The following GMDS variants were observed in gnomAD, a reference collection of about 807,000 sequenced individuals.
The protein encoded by GMDS is GDP-mannose 4,6 dehydratase.
Under a neutral mutation model 49.9 loss-of-function variants are expected in GMDS, and 20 were observed. The observed-to-expected ratio is 0.40, with a 90% CI of 0.28 to 0.58. The LOEUF (loss-of-function observed/expected upper bound fraction) is 0.58. Among genes scored for constraint, GMDS ranks in the 20% least tolerant of loss-of-function variants. GMDS has a pLI of 0.42. For synonymous variants in GMDS, 177 were observed against 178.6 expected (o/e 0.99, Z 0.07); for missense variants, 362 against 481.4 (o/e 0.75, Z 2.32).
chr6:2,106,617 C>T (rs765739995), intron 4 of GMDS, among the ~76,000 whole-genome samples: 1 of 152,104 alleles, frequency 6.6e-6, no homozygotes, highest in Non-Finnish European at 1.5e-5. Context: ...AATCCTAGCA[C>T]TTTGGGAGGC....
chr6:1,831,939 CAGTT>C (rs1186364217), intron 7 of GMDS, among the ~76,000 whole-genome samples: 1 of 152,020 alleles, frequency 6.6e-6, no homozygotes, highest in East Asian at 1.9e-4. Flanking sequence ...TGTCTGGTCA[CAGTT>C]GGTTTGTTTT....
At chr6:1,892,590 C>T (rs1364261802) in intron 7 of GMDS, among the ~76,000 whole-genome samples, 1 of 152,136 alleles carries the variant, frequency 6.6e-6, no homozygotes, top group Non-Finnish European at 1.5e-5. Context: ...AACTCCTGAC[C>T]TCAGGTGATC....
intron 1 of GMDS, among the ~76,000 whole-genome samples, chr6:2,216,700 G>C (rs1008691428): frequency 1.3e-5 from 2 of 151,996 alleles, no homozygotes; most frequent in Non-Finnish European, 2.9e-5. Flanking sequence ...CTATCAACTT[G>C]CACACATACA....
At chr6:1,853,996 A>C (rs1757832551) in intron 7 of GMDS, among the ~76,000 whole-genome samples, 1 of 152,184 alleles carries the variant, frequency 6.6e-6, no homozygotes, top group African/African-American at 2.4e-5. Flanking sequence ...CATGGTCAAG[A>C]GTGGAATAAT....
intron 7 of GMDS, among the ~76,000 whole-genome samples, chr6:1,746,849 G>A (rs1176645355): frequency 1.3e-5 from 2 of 151,856 alleles, no homozygotes; most frequent in Non-Finnish European, 2.9e-5. Flanking sequence ...TTATAGTTGT[G>A]CGCCACCATA....
chr6:2,237,489 G>T, intron 1 of GMDS, among the ~76,000 whole-genome samples: 1 of 148,204 alleles, frequency 6.7e-6, no homozygotes, highest in African/African-American at 2.5e-5. Context: ...AAAAGCATGA[G>T]AAATTGTAAA....
intron 4 of GMDS, among the ~76,000 whole-genome samples, chr6:2,056,365 G>A (rs1376785616): frequency 6.6e-6 from 1 of 152,178 alleles, no homozygotes; most frequent in Non-Finnish European, 1.5e-5. Flanking sequence ...CTTGCTATTA[G>A]CCACTGCACA....
At chr6:1,887,412 A>G (rs1267729775) in intron 7 of GMDS, among the ~76,000 whole-genome samples, 20 of 152,038 alleles carry the variant, frequency 1.3e-4, no homozygotes, top group Admixed American at 1.2e-3. Flanking sequence ...TTGATTAAGT[A>G]AAAAAACCCC....
chr6:2,001,846 T>A (rs960333756), intron 4 of GMDS, among the ~76,000 whole-genome samples: 2 of 152,192 alleles, frequency 1.3e-5, no homozygotes, highest in African/African-American at 4.8e-5. Context: ...TGTAAAAGAA[T>A]GAAGTTTGCC....
intron 1 of GMDS, among the ~76,000 whole-genome samples, chr6:2,137,175 A>G (rs917678617): frequency 6.6e-6 from 1 of 152,186 alleles, no homozygotes; most frequent in African/African-American, 2.4e-5. Context: ...AATCATTACT[A>G]TTGACTTATA....
rs1438930824 is a variant in GMDS, at chr6:1,681,268, C to T, written c.987+45148G>A. 2.0e-5 allele frequency among the ~76,000 whole-genome samples: 3 copies of T among 152,202 alleles called. 1 individual carries two copies. The highest frequency in any genetic ancestry group is 4.1e-4 in the South Asian group (2 of 4,826). On this transcript the variant is annotated intron_variant, in intron 9 of 10. Coordinates refer to ENST00000380815, the MANE Select transcript of GMDS (RefSeq NM_001500.4). ...GTGTCCTGCCACCCTGCCGCCAAGACACGCTGGTACTTGTTGGGCTGTGAT... is the reference window on the plus strand; with the variant it reads ...GTGTCCTGCCACCCTGCCGCCAAGATACGCTGGTACTTGTTGGGCTGTGAT...
chr6:1,643,221 T>C (rs751572579), intron 9 of GMDS, among the ~76,000 whole-genome samples: 5 of 152,212 alleles, frequency 3.3e-5, no homozygotes, highest in Non-Finnish European at 7.3e-5. Context: ...TGTCTGAGGA[T>C]TGATTCACCA....
At chr6:1,923,079 C>T (rs1394338593) in intron 7 of GMDS, among the ~76,000 whole-genome samples, 9 of 152,184 alleles carry the variant, frequency 5.9e-5, no homozygotes, top group Non-Finnish European at 1.0e-4. Context: ...ACGTGCCTTT[C>T]GCCTTCCACC....
At chr6:1,691,368 G>A (rs1028445510) in intron 9 of GMDS, among the ~76,000 whole-genome samples, 17 of 152,182 alleles carry the variant, frequency 1.1e-4, no homozygotes, top group African/African-American at 3.1e-4. Context: ...GGGGGTGTGG[G>A]GGAGGGAGAG....
intron 1 of GMDS, among the ~76,000 whole-genome samples, chr6:2,217,510 T>C (rs913167170): frequency 2.0e-5 from 3 of 152,214 alleles, no homozygotes; most frequent in Non-Finnish European, 4.4e-5. Context: ...TAACTTGCTT[T>C]TGAACTAAGC....
At chr6:2,204,920 C>T (rs143375807) in intron 1 of GMDS, among the ~76,000 whole-genome samples, 22 of 152,294 alleles carry the variant, frequency 1.4e-4, no homozygotes, top group African/African-American at 5.3e-4. Context: ...TACCATAATG[C>T]TAAAATTTAT....
intron 1 of GMDS, among the ~76,000 whole-genome samples, chr6:2,170,084 T>C (rs1022083588): frequency 2.6e-5 from 4 of 151,992 alleles, no homozygotes. Flanking sequence ...ATGCCTGTAA[T>C]CCCAGCTACT....
chr6:1,780,637 C>T (rs1769040178), intron 7 of GMDS, among the ~76,000 whole-genome samples: 1 of 152,214 alleles, frequency 6.6e-6, no homozygotes. Flanking sequence ...GAGCTGGCTC[C>T]CGCGCTGCTC....
chr6:1,898,933 C>T (rs543897920), intron 7 of GMDS, among the ~76,000 whole-genome samples: 2 of 152,238 alleles, frequency 1.3e-5, no homozygotes, highest in Admixed American at 1.3e-4. Context: ...ATGGATTACA[C>T]AAATAATGAA....
Sources: allele counts gnomAD v4.1 joint callset (sites outside exome capture counted in the v4.1 genomes callset), GRCh38; gene constraint gnomAD v4.1.1; transcripts MANE v1.5; gene names NCBI Gene and HGNC (gene_info 2026-07-23, HGNC 2026-07-21).